Variants in ORMDL2 observed in about 807,000 individuals in gnomAD.
The protein encoded by ORMDL2 is ORM1-like protein 2.
In ORMDL2, 11 loss-of-function variants were observed where a neutral mutation model predicts 13.5. The observed-to-expected ratio is 0.82, with a 90% CI of 0.51 to 1.35. The LOEUF (loss-of-function observed/expected upper bound fraction) is 1.35, where lower values mean the gene tolerates loss of function less well. Among genes scored for constraint, ORMDL2 ranks in the 40% most tolerant of loss-of-function variants. The pLI, the probability that ORMDL2 is intolerant of heterozygous loss-of-function variation, is 0.00. For missense variants in ORMDL2, 160 were observed against 191.1 expected, an observed-to-expected ratio of 0.84 and a Z score of 0.96; for synonymous variants, 73 against 76.5, an observed-to-expected ratio of 0.95 and a Z score of 0.24.
intron 2 of ORMDL2, 83 bp from the exon 3 acceptor site, chr12:55,819,259 G>C (rs989634381): frequency 6.3e-7 from 1 of 1,588,836 alleles, no homozygotes; most frequent in Non-Finnish European, 8.6e-7. Context: ...GGGGATTTAT[G>C]TGTTCCTTTT....
In ORMDL2 at chr12:55,820,473, C is replaced by T. The variant is rs752973841; in HGVS notation, c.*78C>T. ...GACTATAAAACATCCTTCTCTTATT[C>T]TCCATACTGTCTTCTACACCTTTAA... On this transcript the variant is annotated 3_prime_UTR_variant, in exon 4 of 4. Transcript: ENST00000243045. 2 of 1,466,558 alleles carry T rather than the reference C, an allele frequency of 1.4e-6. No homozygotes were observed. Among genetic ancestry groups the T allele is most frequent in the African/African-American group, 1.4e-5 (1 of 72,086 alleles). 90.8% of individuals were successfully genotyped at this position (1,466,558 alleles called of 1,614,324 possible).
intron 3 of ORMDL2, among the ~76,000 whole-genome samples, chr12:55,819,779 A>C (rs1880617114): frequency 6.6e-6 from 1 of 152,222 alleles, no homozygotes. Context: ...AAAGAAGTAA[A>C]TAAAGGCAGA....
At chr12:55,818,313 C>G (rs1166069572) in intron 1 of ORMDL2, 2 of 334,352 alleles carry the variant, frequency 6.0e-6, no homozygotes, top group Middle Eastern at 2.2e-3. Context: ...GCAAGAGCCG[C>G]TTCCTAACCA....
chr12:55,818,928 C>G, intron 1 of ORMDL2, 71 bp from the exon 2 acceptor site: 1 of 1,355,836 alleles, frequency 7.4e-7, no homozygotes, highest in Non-Finnish European at 1.0e-6. Context: ...TGAGAGACAA[C>G]TGGGAGATAG....
chr12:55,818,752 C>A, intron 1 of ORMDL2: 1 of 492,820 alleles, frequency 2.0e-6, no homozygotes, highest in Non-Finnish European at 3.7e-6. Context: ...CATACACCTT[C>A]ATGTTACAGT....
rs1296421643 is a variant in ORMDL2 at position 55,821,015 on chromosome 12, C to T, written c.*620C>T. On this transcript the variant is annotated 3_prime_UTR_variant, in exon 4 of 4. Coordinates refer to ENST00000243045, the MANE Select transcript of ORMDL2 (RefSeq NM_014182.5). ...AGTTATACATTTATAGAAAGATAAT[C>T]CCCTGGCTTTAAATAGTCATGTACA... 6.5e-6 allele frequency: 1 copy of T among 152,936 alleles called. No homozygotes were observed. Among genetic ancestry groups the T allele is most frequent in the African/African-American group, 2.4e-5 (1 of 41,400 alleles). 9.5% of individuals were successfully genotyped at this position (152,936 alleles called of 1,614,324 possible).
At chr12:55,819,299 AACT>A (rs1363176565) in intron 2 of ORMDL2, 40 bp from the exon 3 acceptor site, 14 of 1,596,054 alleles carry the variant, frequency 8.8e-6, no homozygotes, top group Non-Finnish European at 1.1e-5. Context: ...TTGACTGAAA[AACT>A]ACTTTCTGCC....
chr12:55,819,679 A>G (rs566367080), intron 3 of ORMDL2, among the ~76,000 whole-genome samples, 186 bp downstream of exon 3: 1 of 152,362 alleles, frequency 6.6e-6, no homozygotes, highest in East Asian at 1.9e-4. Context: ...ACTGTAATCA[A>G]GCATTCCTTG....
rs990246346 is a variant in ORMDL2 at position 55,821,234 on chromosome 12, G to A, written c.*839G>A. 2 of 152,580 alleles carry A rather than the reference G, an allele frequency of 1.3e-5. No individual in the cohort carries two copies. Among genetic ancestry groups the A allele is most frequent in the African/African-American group, 4.8e-5 (2 of 41,442 alleles). 9.5% of individuals were successfully genotyped at this position (152,580 alleles called of 1,614,324 possible). ...TTTACCCACAAAGTGAAAGTCGAGG[G>A]AAAATTCAGTTTCCAGTCTCTGAAC... On this transcript the variant is annotated 3_prime_UTR_variant, in exon 4 of 4. Coordinates refer to ENST00000243045, the MANE Select transcript of ORMDL2 (RefSeq NM_014182.5).
At position 55,819,291 on chromosome 12, in the gene ORMDL2, G is replaced by C. The variant is rs1313825853; in HGVS notation, c.175-51G>C. The C allele has an allele frequency of 2.5e-6, 4 of 1,593,438 alleles. No homozygotes were observed. The African/African-American group carries it at 5.4e-5, about 21-fold the overall frequency. ...TTTTGGGATCTTAACATAATTCTTT[G>C]ACTGAAAAACTACTTTCTGCCCCTC... On this transcript the variant is annotated intron_variant, in intron 2 of 3. Coordinates refer to ENST00000243045, the MANE Select transcript of ORMDL2 (RefSeq NM_014182.5).
rs527505257 is a variant in ORMDL2, at chr12:55,819,068, G to C, written c.69G>C (p.Trp23Cys). The C allele has an allele frequency of 6.2e-7, 1 of 1,614,100 alleles. No individual in the cohort carries two copies. Among genetic ancestry groups the C allele is most frequent in the African/African-American group, 1.3e-5 (1 of 75,028 alleles). ...GAGTGATGAATAGCCGAGGCATCTG[G>C]CTGGCCTACATCATCTTGGTAGGAT... ...NTRVMNSRGI[W>C]LAYIILVGLL... Residue 23 changes from tryptophan (W) to cysteine (C), a missense_variant, in exon 2 of 4, where the codon TGG (tryptophan) becomes TGC (cysteine). By Grantham distance (215) the Trp-to-Cys change is radical (BLOSUM62 -2). Transcript: ENST00000243045.
At position 55,819,501 on chromosome 12, in the gene ORMDL2, T is replaced by G; in HGVS notation, c.326+8T>G. 1 of 1,612,582 alleles carries G rather than the reference T, an allele frequency of 6.2e-7. No homozygotes were observed. Among genetic ancestry groups the G allele is most frequent in the East Asian group, 2.2e-5 (1 of 44,860 alleles). On this transcript the variant is annotated splice_region_variant and intron_variant, in intron 3 of 3. Transcript: ENST00000243045. ...CATCTCTCCTATTGTGCTGTGAGTCTATGGGGGAAATGAGATATGCTGGGT... is the reference window on the plus strand; with the variant it reads ...CATCTCTCCTATTGTGCTGTGAGTCGATGGGGGAAATGAGATATGCTGGGT...
chr12:55,820,523 C>G lies in ORMDL2; in HGVS notation c.*128C>G. The G allele has an allele frequency of 8.9e-7, 1 of 1,119,736 alleles. No homozygotes were observed. The highest frequency in any genetic ancestry group is 1.3e-6 in the Non-Finnish European group (1 of 745,264). The allele number at this position is 1,119,736 out of a possible 1,614,324, so 69.4% of individuals were successfully genotyped here. On this transcript the variant is annotated 3_prime_UTR_variant, in exon 4 of 4. Coordinates refer to ENST00000243045, the MANE Select transcript of ORMDL2 (RefSeq NM_014182.5). ...AAGCCTGAGAACTATACAACCTTTC[C>G]CAGACTCCCAAGAAGAGAAGAGATT...
In ORMDL2 at chr12:55,820,597, A is replaced by G; in HGVS notation, c.*202A>G. 1 of 609,884 alleles carries G rather than the reference A, an allele frequency of 1.6e-6. No individual in the cohort carries two copies. Among genetic ancestry groups the G allele is most frequent in the South Asian group, 2.1e-5 (1 of 47,970 alleles). 37.8% of individuals were successfully genotyped at this position (609,884 alleles called of 1,614,324 possible). A position where few individuals can be genotyped will look rare whatever the true frequency, so the allele number is the denominator to read the frequency against. On this transcript the variant is annotated 3_prime_UTR_variant, in exon 4 of 4. Coordinates refer to ENST00000243045, the MANE Select transcript of ORMDL2 (RefSeq NM_014182.5). ...GTCCTGCTAGTGGCAAGTTTCTTTGAATCAGGAAGGCAGGTGAGGTAAGGG... is the reference window on the plus strand; with the variant it reads ...GTCCTGCTAGTGGCAAGTTTCTTTGGATCAGGAAGGCAGGTGAGGTAAGGG...
chr12:55,820,121 G>A, intron 3 of ORMDL2, 139 bp from the exon 4 acceptor site: 3 of 765,658 alleles, frequency 3.9e-6, no homozygotes, highest in Non-Finnish European at 4.3e-6. Context: ...GGAGTTTGAG[G>A]TTGTACTGCA....
At chr12:55,819,614 A>G in intron 3 of ORMDL2, 121 bp downstream of exon 3, 2 of 822,534 alleles carry the variant, frequency 2.4e-6, no homozygotes, top group Non-Finnish European at 3.9e-6. Context: ...TGAAGATATT[A>G]TGGTATACTA....
Position 55,819,325 on chromosome 12 carries a change from A to G in ORMDL2, c.175-17A>G. On this transcript the variant is annotated splice_polypyrimidine_tract_variant and intron_variant, in intron 2 of 3. Transcript: ENST00000243045. ...ACTACTTTCTGCCCCTCACACTGCC[A>G]CCTTCCCTGTTCCCAGGCTACGTAT... The G allele has an allele frequency of 6.2e-7, 1 of 1,609,298 alleles. No individual in the cohort carries two copies. Among genetic ancestry groups the G allele is most frequent in the Non-Finnish European group, 8.5e-7 (1 of 1,176,402 alleles).
rs570613022 is a variant in ORMDL2 at position 55,820,758 on chromosome 12, A to C, written c.*363A>C. The C allele has an allele frequency of 4.1e-6, 1 of 241,128 alleles. No homozygotes were observed. Among genetic ancestry groups the C allele is most frequent in the Non-Finnish European group, 8.4e-6 (1 of 119,008 alleles). The allele number at this position is 241,128 out of a possible 1,614,324, so 14.9% of individuals were successfully genotyped here. On this transcript the variant is annotated 3_prime_UTR_variant, in exon 4 of 4. Coordinates refer to ENST00000243045, the MANE Select transcript of ORMDL2 (RefSeq NM_014182.5). ...TTTCTTACAATAATTTTTTTCAGCT[A>C]TAGCTGCAGTTTAATCAGGATGGGT...
chr12:55,818,379 C>T (rs1880571731), intron 1 of ORMDL2: 36 of 286,532 alleles, frequency 1.3e-4, no homozygotes, highest in South Asian at 9.8e-4. Context: ...CAGATAATCA[C>T]TGCTGCCCCT....
Sources: gnomAD v4.1 joint callset for allele counts (sites outside exome capture counted in the v4.1 genomes callset) on GRCh38, gnomAD v4.1.1 for gene constraint, MANE v1.5 for transcripts, NCBI Gene and HGNC (gene_info 2026-07-23, HGNC 2026-07-21) for gene names.